The following ARPC1B variants were observed in gnomAD, a reference collection of about 807,000 sequenced individuals.
The protein encoded by ARPC1B is actin-related protein 2/3 complex subunit 1B.
Under a neutral mutation model 46.0 loss-of-function variants are expected in ARPC1B, and 29 were observed. The ratio of observed to expected loss-of-function variants is 0.63; its 90% CI spans 0.47 to 0.86. ARPC1B has a LOEUF of 0.86. ARPC1B is among the 40% of genes least tolerant of loss of function. The pLI is 0.00. For synonymous variants in ARPC1B, 201 were observed against 213.9 expected (o/e 0.94, Z 0.53); for missense variants, 469 against 529.4 (o/e 0.89, Z 1.12).
rs761084621 is a variant in ARPC1B at position 99,378,774 on chromosome 7, C to CTTTTT, written c.-14+4009_-14+4013dup. On this transcript the variant is annotated intron_variant, in intron 1 of 9. Coordinates refer to ENST00000646101, the MANE Select transcript of ARPC1B (RefSeq NM_005720.4). ...ACCAAAGAATGTTAATTTTCTTTTT[C>CTTTTT]TTTTTTTTTTTTTTTTTTTTGAGAT... is the stretch of plus-strand genomic sequence containing the variant. 2.9e-3 allele frequency among the ~76,000 whole-genome samples: 305 copies of CTTTTT among 106,514 alleles called. 12 individuals are homozygous for CTTTTT. Among genetic ancestry groups the CTTTTT allele is most frequent in the African/African-American group, 9.1e-3 (209 of 22,960 alleles). The allele number at this position is 106,514 out of a possible 152,430, so 69.9% of individuals were successfully genotyped here.
At chr7:99,388,393 T>TGGGCCTCATTCATGAGGCAA in intron 4 of ARPC1B, 132 bp downstream of exon 4, 3 of 858,264 alleles carry the variant, frequency 3.5e-6, no homozygotes, top group Non-Finnish European at 5.4e-6. Flanking sequence ...CTCTCCTCTC[T>TGGGCCTCATTCATGAGGCAA]GGGCCTCATT....
chr7:99,382,264 C>T (rs1483690404), intron 1 of ARPC1B, among the ~76,000 whole-genome samples: 1 of 151,964 alleles, frequency 6.6e-6, no homozygotes, highest in Admixed American at 6.6e-5. Context: ...ATGGTGAAAC[C>T]CTGTCTCTAC....
chr7:99,389,831 AG>A (rs1163772738), intron 4 of ARPC1B, 73 bp from the exon 5 acceptor site: 1 of 1,245,678 alleles, frequency 8.0e-7, no homozygotes, highest in Non-Finnish European at 1.2e-6. Context: ...GGGAGCCTGG[AG>A]TCCCTGGTGC....
At chr7:99,388,568 A>G in intron 4 of ARPC1B, 1 of 339,538 alleles carries the variant, frequency 2.9e-6, no homozygotes, top group South Asian at 4.6e-5. Flanking sequence ...CCCACTTTAC[A>G]GATTAGCAAA....
intron 1 of ARPC1B, among the ~76,000 whole-genome samples, chr7:99,378,377 T>G (rs1449045257): frequency 1.3e-5 from 2 of 151,916 alleles, no homozygotes; most frequent in African/African-American, 4.8e-5. Flanking sequence ...CCCACCTGTT[T>G]GCTTTTAAAA....
chr7:99,376,059 C>T (rs1458284190), intron 1 of ARPC1B, among the ~76,000 whole-genome samples: 2 of 123,750 alleles, frequency 1.6e-5, no homozygotes, highest in Admixed American at 1.5e-4. Flanking sequence ...AAGACTCCGT[C>T]TCAAAAAAAA....
chr7:99,394,503 T>G lies in ARPC1B; in HGVS notation c.*14T>G, dbSNP rs770878991. The G allele has an allele frequency of 6.2e-7, 1 of 1,613,996 alleles. No individual in the cohort carries two copies. Among genetic ancestry groups the G allele is most frequent in the Non-Finnish European group, 8.5e-7 (1 of 1,180,004 alleles). On this transcript the variant is annotated 3_prime_UTR_variant, in exon 10 of 10. Coordinates refer to ENST00000646101, the MANE Select transcript of ARPC1B (RefSeq NM_005720.4). ...AAGATCAAATGACCTGTGAGGAATATGTTGCCTTCATCCTAGCTGCTGGGG... is the reference window on the plus strand; with the variant it reads ...AAGATCAAATGACCTGTGAGGAATAGGTTGCCTTCATCCTAGCTGCTGGGG...
intron 7 of ARPC1B, 61 bp downstream of exon 7, chr7:99,391,314 C>A (rs1794565312): frequency 2.0e-6 from 3 of 1,489,490 alleles, no homozygotes; most frequent in East Asian, 2.3e-5. Context: ...GAGAGCCCAG[C>A]AACTCTCATC....
chr7:99,381,592 G>A (rs868868882), intron 1 of ARPC1B, among the ~76,000 whole-genome samples: 10 of 152,238 alleles, frequency 6.6e-5, no homozygotes, highest in South Asian at 2.1e-4. Flanking sequence ...TCCCTGCCCC[G>A]TGCATGTACA....
At position 99,390,174 on chromosome 7, in the gene ARPC1B, G is replaced by A. The variant is rs538462089; in HGVS notation, c.500+162G>A. The A allele has an allele frequency of 3.0e-5, 19 of 641,364 alleles. No individual in the cohort carries two copies. In the East Asian group the frequency reaches 5.3e-4, roughly 18 times the overall value. 39.7% of individuals were successfully genotyped at this position (641,364 alleles called of 1,614,324 possible). A position where few individuals can be genotyped will look rare whatever the true frequency, so the allele number is the denominator to read the frequency against. Reference sequence around the variant, plus strand: ...CGTCGGTTGAAGGTTCTAGTTCCTGGGGAACCCTTCATGTCTCAGCTGGAT... The same window carrying A: ...CGTCGGTTGAAGGTTCTAGTTCCTGAGGAACCCTTCATGTCTCAGCTGGAT... On this transcript the variant is annotated intron_variant, in intron 5 of 9. Transcript: ENST00000646101.
Position 99,391,027 on chromosome 7 carries a change from C to A in ARPC1B, c.635C>A (p.Ala212Asp). 2 of 1,613,932 alleles carry A rather than the reference C, an allele frequency of 1.2e-6. No individual in the cohort carries two copies. The highest frequency in any genetic ancestry group is 1.7e-6 in the Non-Finnish European group (2 of 1,180,018). ...CGWVHGVCFS[A>D]SGSRVAWVSH... Reference sequence around the variant, plus strand: ...TGGGTACATGGCGTCTGTTTCTCAGCCAGCGGGAGCCGCGTGGCCTGGGTA... The same window carrying A: ...TGGGTACATGGCGTCTGTTTCTCAGACAGCGGGAGCCGCGTGGCCTGGGTA... The change falls in exon 6 of 10, where the codon GCC (alanine) becomes GAC (aspartate). Residue 212 changes from alanine to aspartate, a missense_variant. By Grantham distance (126) the Ala-to-Asp change is moderately radical. Coordinates refer to ENST00000646101, the MANE Select transcript of ARPC1B (RefSeq NM_005720.4).
intron 1 of ARPC1B, among the ~76,000 whole-genome samples, chr7:99,375,279 T>G (rs938478266): frequency 6.6e-6 from 1 of 152,084 alleles, no homozygotes. Flanking sequence ...CCCGGAGCCT[T>G]CCGGGTTGCA....
chr7:99,380,644 A>C (rs1288927447), intron 1 of ARPC1B, among the ~76,000 whole-genome samples: 1 of 152,124 alleles, frequency 6.6e-6, no homozygotes, highest in Non-Finnish European at 1.5e-5. Flanking sequence ...GCCCTTGCCC[A>C]CTGGCACACG....
chr7:99,385,512 G>T (rs1358876207), intron 1 of ARPC1B, among the ~76,000 whole-genome samples, 190 bp from the exon 2 acceptor site: 5 of 152,154 alleles, frequency 3.3e-5, no homozygotes, highest in Non-Finnish European at 5.9e-5. Context: ...CCCCAGGAGG[G>T]GAAGCAACAT....
chr7:99,391,468 G>A (rs1338665890), intron 7 of ARPC1B, among the ~76,000 whole-genome samples: 2 of 152,172 alleles, frequency 1.3e-5, no homozygotes, highest in Admixed American at 6.5e-5. Context: ...GATTTGGCCA[G>A]GTGCGGTGGC....
intron 6 of ARPC1B, 35 bp from the exon 7 acceptor site, chr7:99,391,143 G>T (rs753242090): frequency 1.2e-6 from 2 of 1,613,642 alleles, no homozygotes; most frequent in Admixed American, 1.7e-5. Context: ...GTGCAGAGGA[G>T]TGGGACACCG....
intron 1 of ARPC1B, among the ~76,000 whole-genome samples, chr7:99,378,999 G>C (rs1264053647): frequency 6.6e-6 from 1 of 151,798 alleles, no homozygotes; most frequent in African/African-American, 2.4e-5. Context: ...GGATGGTCTC[G>C]ATCTCCTGAC....
At chr7:99,392,911 G>C (rs1794617787) in intron 8 of ARPC1B, 35 bp downstream of exon 8, 2 of 1,508,938 alleles carry the variant, frequency 1.3e-6, no homozygotes, top group Middle Eastern at 1.8e-4. Context: ...GGTGGGCGGG[G>C]CCTCGGCTCG....
In ARPC1B at chr7:99,394,411, G is replaced by A. The variant is rs773125097; in HGVS notation, c.1081-40G>A. The A allele has an allele frequency of 5.1e-6, 8 of 1,565,878 alleles. No homozygotes were observed. In the African/African-American group the frequency reaches 5.4e-5, roughly 11 times the overall value. ...GTCCCTGGGAGTGGGGTGCCTGCAG[G>A]ACAGCTGAGAACCAGCCTGTCCGTT... On this transcript the variant is annotated intron_variant, in intron 9 of 9. Coordinates refer to ENST00000646101, the MANE Select transcript of ARPC1B (RefSeq NM_005720.4).
Sources: allele counts gnomAD v4.1 joint callset (sites outside exome capture counted in the v4.1 genomes callset), GRCh38; gene constraint gnomAD v4.1.1; transcripts MANE v1.5; gene names NCBI Gene and HGNC (gene_info 2026-07-23, HGNC 2026-07-21).